The following OTOF variants were observed in gnomAD, a reference collection of about 807,000 sequenced individuals.
OTOF encodes fer-1-like family member 2.
A neutral mutation model predicts 236.8 loss-of-function variants in OTOF; 218 were observed. That is an observed-to-expected ratio of 0.92 (90% CI 0.82 to 1.03). The LOEUF is 1.03. Among genes scored for constraint, OTOF ranks in the 50% least tolerant of loss-of-function variants. OTOF has a pLI of 0.00. For synonymous variants in OTOF, 1,041 were observed against 1,072.5 expected (o/e 0.97, Z 0.57); for missense variants, 2,590 against 2,694.4 (o/e 0.96, Z 0.86).
At chr2:26,485,750 C>G (rs866819857) in intron 11 of OTOF, among the ~76,000 whole-genome samples, 12 of 152,194 alleles carry the variant, frequency 7.9e-5, no homozygotes, top group African/African-American at 2.9e-4. Flanking sequence ...GGTGGGCTCC[C>G]GGAGATGTTA....
chr2:26,470,121 G>A lies in OTOF; in HGVS notation c.4023+472C>T, dbSNP rs926451150. On this transcript the variant is annotated intron_variant, in intron 32 of 46. Transcript: ENST00000272371. This position sits in a 1 kb window ranked among gnomAD's most constrained non-coding sequence, Gnocchi z 4.3. Reference sequence around the variant, plus strand: ...TCGTAAGGACTACTGATAAGCAGTTGTTCCCTTATGGCCTCTGAGAACATG... The same window carrying A: ...TCGTAAGGACTACTGATAAGCAGTTATTCCCTTATGGCCTCTGAGAACATG... 2.0e-5 allele frequency among the ~76,000 whole-genome samples: 3 copies of A among 152,190 alleles called. No individual in the cohort carries two copies. Among genetic ancestry groups the A allele is most frequent in the Non-Finnish European group, 4.4e-5 (3 of 68,040 alleles).
At chr2:26,514,155 C>A (rs111809338) in intron 5 of OTOF, among the ~76,000 whole-genome samples, 4 of 152,260 alleles carry the variant, frequency 2.6e-5, no homozygotes, top group African/African-American at 9.6e-5. Context: ...GGTGTAGCAG[C>A]GATGCCTGTC....
chr2:26,549,707 G>T (rs186754214), intron 1 of OTOF, among the ~76,000 whole-genome samples: 2 of 152,324 alleles, frequency 1.3e-5, no homozygotes, highest in African/African-American at 2.4e-5. Context: ...CATCTGAGAG[G>T]CAGGGGCAGG....
chr2:26,492,745 G>A (rs1665880801), intron 9 of OTOF, among the ~76,000 whole-genome samples: 1 of 152,204 alleles, frequency 6.6e-6, no homozygotes, highest in African/African-American at 2.4e-5. Context: ...GAGACACGGA[G>A]GACCAACCTC....
chr2:26,503,441 C>G (rs1015747645), intron 6 of OTOF, among the ~76,000 whole-genome samples: 1 of 152,246 alleles, frequency 6.6e-6, no homozygotes, highest in Non-Finnish European at 1.5e-5. Flanking sequence ...CGGTTTCCCC[C>G]CAGAAATAGG....
At chr2:26,484,324 G>A in intron 12 of OTOF, 150 bp downstream of exon 12, 1 of 815,312 alleles carries the variant, frequency 1.2e-6, no homozygotes, top group African/African-American at 1.7e-5. Flanking sequence ...CCCCTGCCCT[G>A]CCTCGGAAGA....
chr2:26,516,355 G>C, intron 5 of OTOF, 63 bp downstream of exon 5: 1 of 1,494,196 alleles, frequency 6.7e-7, no homozygotes, highest in Non-Finnish European at 9.2e-7. Flanking sequence ...AGTAGGACCA[G>C]GCCCCAGGTC....
intron 3 of OTOF, among the ~76,000 whole-genome samples, chr2:26,525,491 T>C (rs1430332017): frequency 2.0e-5 from 3 of 152,224 alleles, no homozygotes; most frequent in African/African-American, 7.2e-5. Flanking sequence ...TGCCTCTAGG[T>C]ACACACCTTT....
intron 5 of OTOF, among the ~76,000 whole-genome samples, chr2:26,514,722 C>T (rs1299364342): frequency 6.6e-6 from 1 of 152,200 alleles, no homozygotes; most frequent in Non-Finnish European, 1.5e-5. Context: ...TGTCACTCAG[C>T]CAATGAGTGG....
At chr2:26,496,237 C>CT (rs397939432) in intron 8 of OTOF, among the ~76,000 whole-genome samples, 8,597 of 140,236 alleles carry the variant, frequency 0.061, 935 homozygotes, top group African/African-American at 0.21. Context: ...TGATTAATGG[C>CT]TTTTTTTTTT....
chr2:26,516,619 G>A lies in OTOF; in HGVS notation c.328-20C>T, dbSNP rs754743348. The A allele has an allele frequency of 6.2e-7, 1 of 1,601,298 alleles. No homozygotes were observed. Among genetic ancestry groups the A allele is most frequent in the South Asian group, 1.1e-5 (1 of 91,042 alleles). ...GCTGGTCTGAAGGGAGGGAGGCGGT[G>A]GTGAGCAGCTGGGATGGTGACAGCA... On this transcript the variant is annotated intron_variant, in intron 4 of 46. Transcript: ENST00000272371.
intron 1 of OTOF, among the ~76,000 whole-genome samples, chr2:26,546,757 T>C (rs2148131726): frequency 6.6e-6 from 1 of 152,078 alleles, no homozygotes; most frequent in East Asian, 1.9e-4. Flanking sequence ...GGTTTTTTTT[T>C]TTTTTTATTT....
intron 2 of OTOF, among the ~76,000 whole-genome samples, chr2:26,529,149 G>T (rs1558517461): frequency 6.6e-6 from 1 of 152,176 alleles, no homozygotes; most frequent in African/African-American, 2.4e-5. Flanking sequence ...GAAGGAGGAT[G>T]GCCAGGGGTG....
At chr2:26,538,640 C>T (rs982998700) in intron 1 of OTOF, among the ~76,000 whole-genome samples, 4 of 152,138 alleles carry the variant, frequency 2.6e-5, no homozygotes, top group Non-Finnish European at 5.9e-5. Context: ...GAAACACCAG[C>T]TAGTTCAGTT....
chr2:26,480,459 C>CG, intron 15 of OTOF, 148 bp from the exon 16 acceptor site: 1 of 702,126 alleles, frequency 1.4e-6, no homozygotes. Flanking sequence ...CACACCCCAA[C>CG]GGCCCCCCAG....
chr2:26,528,497 G>A (rs1272647794), intron 2 of OTOF, among the ~76,000 whole-genome samples: 1 of 152,186 alleles, frequency 6.6e-6, no homozygotes, highest in Non-Finnish European at 1.5e-5. Context: ...AGTGTTATTG[G>A]GGTCAGGCCC....
At chr2:26,478,074 G>A (rs1665407835) in intron 18 of OTOF, 3 of 1,415,342 alleles carry the variant, frequency 2.1e-6, no homozygotes, top group Non-Finnish European at 2.8e-6. Flanking sequence ...AGAGACAGAG[G>A]GAAACCCTAG....
chr2:26,480,931 T>C lies in OTOF; in HGVS notation c.1658A>G (p.Gln553Arg), dbSNP rs1168195386. ...CTCCCCCAGGCCCTCGTTCAGGTCC[T>C]GATGCTCATCCAGCAGCGTGTAGTT... Reference protein sequence around the residue: ...TRNYTLLDEHQDLNEGLGEGV... With the variant: ...TRNYTLLDEHRDLNEGLGEGV... The change falls in exon 15 of 47, where the codon CAG becomes CGG. Residue 553 changes from glutamine (Q) to arginine (R), a missense_variant. Physicochemically the swap from Gln to Arg is conservative, Grantham distance 43 (BLOSUM62 1). Transcript: ENST00000272371. 8.7e-6 allele frequency: 14 copies of C among 1,612,936 alleles called. No individual in the cohort carries two copies. Among genetic ancestry groups the C allele is most frequent in the Non-Finnish European group, 1.1e-5 (13 of 1,180,022 alleles).
chr2:26,540,015 A>C (rs4290616), intron 1 of OTOF, among the ~76,000 whole-genome samples: 146,899 of 152,248 alleles, frequency 0.96, 71,079 homozygotes, highest in East Asian at 1. Flanking sequence ...CTCACTGCAA[A>C]CTCTGCCTCC....
Sources: gnomAD v4.1 joint callset for allele counts (sites outside exome capture counted in the v4.1 genomes callset) on GRCh38, gnomAD v4.1.1 for gene constraint, Gnocchi (gnomAD v3.1) non-coding constraint, MANE v1.5 for transcripts, NCBI Gene and HGNC (gene_info 2026-07-23, HGNC 2026-07-21) for gene names.